CFAP44: variants seen among roughly 807,000 people sequenced by gnomAD.
CFAP44 encodes the protein cilia- and flagella-associated protein 44.
Under a neutral mutation model 216.2 loss-of-function variants are expected in CFAP44, and 134 were observed. The observed-to-expected ratio is 0.62, with a 90% CI of 0.54 to 0.72. The LOEUF is 0.72. Ranked by LOEUF, CFAP44 falls within the 30% of genes least tolerant of loss-of-function variation. The pLI is 0.00. For missense variants in CFAP44, 2,035 were observed against 2,182.1 expected, an observed-to-expected ratio of 0.93 and a Z score of 1.34; for synonymous variants, 700 against 727.6, an observed-to-expected ratio of 0.96 and a Z score of 0.61.
intron 2 of CFAP44, among the ~76,000 whole-genome samples, chr3:113,429,765 C>T (rs1467450865): frequency 6.6e-6 from 1 of 151,940 alleles, no homozygotes; most frequent in Non-Finnish European, 1.5e-5. Flanking sequence ...ATTATTTACT[C>T]TTTAGAATTC....
At chr3:113,400,512 C>A (rs113849642) in intron 12 of CFAP44, 33 bp downstream of exon 12, 8 of 1,495,616 alleles carry the variant, frequency 5.3e-6, no homozygotes, top group South Asian at 1.4e-5. Context: ...CAAAACAAGG[C>A]CAGACATATT....
At position 113,317,300 on chromosome 3, in the gene CFAP44, A is replaced by G. The variant is rs566893306; in HGVS notation, c.4517-9032T>C. ...TGCCTTTGTGCATTGGGCAGCTCTG[A>G]CAGAGAGCGGCCATAGACACTCATC... On this transcript the variant is annotated intron_variant, in intron 28 of 34. Coordinates refer to ENST00000393845, the MANE Select transcript of CFAP44 (RefSeq NM_001164496.2). Among the ~76,000 whole-genome samples the G allele has an allele frequency of 3.9e-5, 6 of 152,262 alleles. 1 individual carries two copies. The South Asian group carries it at 1.2e-3, about 32-fold the overall frequency.
intron 24 of CFAP44, among the ~76,000 whole-genome samples, chr3:113,337,897 A>G (rs1950293679): frequency 6.6e-6 from 1 of 152,196 alleles, no homozygotes; most frequent in Non-Finnish European, 1.5e-5. Flanking sequence ...CACCAAAATC[A>G]AGATTTATAT....
chr3:113,417,568 T>C (rs1446487318), intron 5 of CFAP44, among the ~76,000 whole-genome samples: 1 of 152,206 alleles, frequency 6.6e-6, no homozygotes, highest in African/African-American at 2.4e-5. Flanking sequence ...CATCCCCTGA[T>C]TACATATAAG....
chr3:113,313,842 T>A (rs931458093), intron 28 of CFAP44, among the ~76,000 whole-genome samples: 1 of 152,168 alleles, frequency 6.6e-6, no homozygotes, highest in African/African-American at 2.4e-5. Context: ...TAAGTCCAAT[T>A]AAACCTCTTT....
At chr3:113,300,055 G>T (rs1284864563) in intron 32 of CFAP44, among the ~76,000 whole-genome samples, 1 of 152,144 alleles carries the variant, frequency 6.6e-6, no homozygotes, top group Non-Finnish European at 1.5e-5. Context: ...CTTGTCATTT[G>T]CAAGAACATG....
rs936576661 is a variant in CFAP44 at position 113,287,673 on chromosome 3, G to A, written c.*3884C>T. The A allele has an allele frequency of 6.6e-6, 1 of 152,238 alleles. No homozygotes were observed. The highest frequency in any genetic ancestry group is 1.5e-5 in the Non-Finnish European group (1 of 68,060). 9.4% of individuals were successfully genotyped at this position (152,238 alleles called of 1,614,324 possible). ...TTACCGTTTAGTCCACAAGGGAACC[G>A]TTGTACAACAGACCAGGAAAAACAG... On this transcript the variant is annotated 3_prime_UTR_variant, in exon 35 of 35. Coordinates refer to ENST00000393845, the MANE Select transcript of CFAP44 (RefSeq NM_001164496.2).
rs1315307956 is a variant in CFAP44, at chr3:113,301,490, T to TA, written c.5077+2425dup. Among the ~76,000 whole-genome samples, 9 of 152,282 alleles carry TA rather than the reference T, an allele frequency of 5.9e-5. No homozygotes were observed. In the South Asian group the frequency reaches 1.7e-3, roughly 28 times the overall value. On this transcript the variant is annotated intron_variant, in intron 32 of 34. Coordinates refer to ENST00000393845, the MANE Select transcript of CFAP44 (RefSeq NM_001164496.2). Reference sequence around the variant, plus strand: ...GTTGTAATACTCCACTGCTTATATGTATGTTCCACATATCAAATATTACTA... The same window carrying TA: ...GTTGTAATACTCCACTGCTTATATGTAATGTTCCACATATCAAATATTACTA...
intron 32 of CFAP44, among the ~76,000 whole-genome samples, chr3:113,298,578 A>G (rs1949904072): frequency 6.6e-6 from 1 of 152,256 alleles, no homozygotes; most frequent in Non-Finnish European, 1.5e-5. Flanking sequence ...AAAAATGGGA[A>G]GCAATCCAGC....
intron 28 of CFAP44, among the ~76,000 whole-genome samples, chr3:113,308,745 T>C (rs752722282): frequency 3.3e-5 from 5 of 152,044 alleles, no homozygotes; most frequent in Admixed American, 6.6e-5. Flanking sequence ...CACACACCAT[T>C]ATGCCCAGCT....
rs146560979 is a variant in CFAP44, at chr3:113,340,511, G to A, written c.3437+1233C>T. 3.9e-5 allele frequency among the ~76,000 whole-genome samples: 6 copies of A among 152,258 alleles called. No homozygotes were observed. In the East Asian group the frequency reaches 1.2e-3, roughly 29 times the overall value. On this transcript the variant is annotated intron_variant, in intron 24 of 34. Coordinates refer to ENST00000393845, the MANE Select transcript of CFAP44 (RefSeq NM_001164496.2). ...TGGCATTCACTCACACTCACCTTCC[G>A]CAATCCCCAGTTTAAATGGGAAAGG... is the stretch of plus-strand genomic sequence containing the variant.
intron 28 of CFAP44, among the ~76,000 whole-genome samples, chr3:113,324,436 T>C (rs1180622935): frequency 2.6e-5 from 4 of 152,200 alleles, no homozygotes; most frequent in Admixed American, 6.5e-5. Context: ...AAGGTTTATT[T>C]CAGAAATGCA....
rs754782428 is a variant in CFAP44 at position 113,363,322 on chromosome 3, T to G, written c.2772-15A>C. On this transcript the variant is annotated splice_polypyrimidine_tract_variant and intron_variant, in intron 20 of 34. Coordinates refer to ENST00000393845, the MANE Select transcript of CFAP44 (RefSeq NM_001164496.2). ...CATTCTCGATACTGAAAACAGAAAT[T>G]TAAAACAATAACAGGTTGTGATACA... The G allele has an allele frequency of 6.3e-7, 1 of 1,595,298 alleles. No individual in the cohort carries two copies. Among genetic ancestry groups the G allele is most frequent in the East Asian group, 2.2e-5 (1 of 44,612 alleles).
chr3:113,338,069 C>T (rs983273463), intron 24 of CFAP44, among the ~76,000 whole-genome samples: 1 of 151,690 alleles, frequency 6.6e-6, no homozygotes, highest in African/African-American at 2.4e-5. Flanking sequence ...TCCAAACCAG[C>T]CTGGCCAACA....
chr3:113,305,128 T>G lies in CFAP44; in HGVS notation c.4783A>C (p.Asn1595His), dbSNP rs1949972893. Residue 1595 changes from asparagine to histidine, a missense_variant, in exon 31 of 35, where the codon AAT (asparagine) becomes CAT (histidine). By Grantham distance (68) the Asn-to-His change is moderately conservative (BLOSUM62 1). Coordinates refer to ENST00000393845, the MANE Select transcript of CFAP44 (RefSeq NM_001164496.2). ...GCCTCCAGGGCCTCCTCTGCTGCAT[T>G]CAGATTAGTTGCCACAATTTTCACC... is the stretch of plus-strand genomic sequence containing the variant. ...KKVKIVATNLNAAEEALEAYQ... is the reference protein window; with the variant it reads ...KKVKIVATNLHAAEEALEAYQ... The G allele has an allele frequency of 6.5e-7, 1 of 1,537,108 alleles. No individual in the cohort carries two copies. The highest frequency in any genetic ancestry group is 8.7e-7 in the Non-Finnish European group (1 of 1,146,904).
intron 16 of CFAP44, among the ~76,000 whole-genome samples, chr3:113,380,077 T>C (rs1177913503): frequency 2.0e-5 from 3 of 152,222 alleles, no homozygotes; most frequent in Non-Finnish European, 4.4e-5. Flanking sequence ...AGGGTACATG[T>C]GCACAATGTG....
chr3:113,412,857 A>T (rs188473402), intron 6 of CFAP44, among the ~76,000 whole-genome samples: 2 of 152,350 alleles, frequency 1.3e-5, no homozygotes, highest in East Asian at 3.9e-4. Flanking sequence ...TCTTTACAGC[A>T]GAATGATTTA....
intron 28 of CFAP44, among the ~76,000 whole-genome samples, chr3:113,319,131 C>A (rs1409671940): frequency 1.3e-5 from 2 of 152,022 alleles, no homozygotes; most frequent in African/African-American, 4.8e-5. Flanking sequence ...CACTTAAAAG[C>A]TAGAGTGCCA....
At chr3:113,310,712 C>CG (rs34554317) in intron 28 of CFAP44, among the ~76,000 whole-genome samples, 2,022 of 152,266 alleles carry the variant, frequency 0.013, 47 homozygotes, top group African/African-American at 0.046. Context: ...ATTGGATCAT[C>CG]AGGGAGGAAT....
Sources: allele counts gnomAD v4.1 joint callset (sites outside exome capture counted in the v4.1 genomes callset), GRCh38; gene constraint gnomAD v4.1.1; transcripts MANE v1.5; gene names NCBI Gene and HGNC (gene_info 2026-07-23, HGNC 2026-07-21).